Variants in RTEL1 observed in about 807,000 individuals in gnomAD.
RTEL1 encodes regulator of telomere elongation helicase 1.
Under a neutral mutation model 162.2 loss-of-function variants are expected in RTEL1, and 86 were observed. The observed-to-expected ratio is 0.53, with a 90% CI of 0.45 to 0.63. RTEL1 has a LOEUF of 0.63. Ranked by LOEUF, RTEL1 falls within the 30% of genes least tolerant of loss-of-function variation. The pLI, the probability that RTEL1 is intolerant of heterozygous loss-of-function variation, is 0.00. For synonymous variants in RTEL1, 958 were observed against 717.9 expected (o/e 1.33, Z -5.35); for missense variants, 1,941 against 1,750.2 (o/e 1.11, Z -1.95).
chr20:63,693,085 G>A, intron 29 of RTEL1, 58 bp from the exon 30 acceptor site: 8 of 1,610,792 alleles, frequency 5.0e-6, no homozygotes, highest in Non-Finnish European at 6.8e-6. Flanking sequence ...GGTCCAAGGT[G>A]GTCTCTGTTC....
At chr20:63,687,160 C>G (rs945453738) in intron 16 of RTEL1, 11 of 157,102 alleles carry the variant, frequency 7.0e-5, no homozygotes, top group Non-Finnish European at 1.5e-4. Context: ...TTCCTTTGAG[C>G]TGGCGCCCTT....
At chr20:63,673,903 CCTGTT>C (rs1310986806) in intron 9 of RTEL1, 32 bp from the exon 10 acceptor site, 5 of 1,583,514 alleles carry the variant, frequency 3.2e-6, no homozygotes, top group Non-Finnish European at 4.3e-6. Flanking sequence ...CCGATCCTGT[CCTGTT>C]CTGTGGTGAT....
chr20:63,666,200 C>G, intron 7 of RTEL1, 121 bp downstream of exon 7: 1 of 800,748 alleles, frequency 1.2e-6, no homozygotes, highest in South Asian at 1.8e-5. Flanking sequence ...ATGAAACTAA[C>G]CACCATTCAG....
intron 22 of RTEL1, 130 bp from the exon 23 acceptor site, chr20:63,689,372 T>G: frequency 8.7e-7 from 1 of 1,155,640 alleles, no homozygotes; most frequent in Non-Finnish European, 1.2e-6. Context: ...AGTGGGGTCC[T>G]GACCCACAGA....
intron 8 of RTEL1, among the ~76,000 whole-genome samples, chr20:63,669,494 A>C (rs2090204728): frequency 6.6e-6 from 1 of 152,260 alleles, no homozygotes; most frequent in Non-Finnish European, 1.5e-5. Context: ...CAGTTAAAGA[A>C]AGGGAGAAAA....
chr20:63,686,798 G>C (rs1210014423), intron 16 of RTEL1: 1 of 158,130 alleles, frequency 6.3e-6, no homozygotes, highest in Admixed American at 6.5e-5. Flanking sequence ...CCCTCACGCA[G>C]TTGGGGTTGC....
chr20:63,693,532 C>CCTT (rs1317355891), intron 30 of RTEL1, among the ~76,000 whole-genome samples: 2 of 87,140 alleles, frequency 2.3e-5, no homozygotes, highest in Non-Finnish European at 5.1e-5. Context: ...ACCACCTCCA[C>CCTT]CACCACCACC....
In RTEL1 at chr20:63,695,565, G is replaced by A; in HGVS notation, c.3737G>A (p.Gly1246Asp). The A allele has an allele frequency of 1.9e-6, 3 of 1,612,312 alleles. No homozygotes were observed. The highest frequency in any genetic ancestry group is 2.5e-6 in the Non-Finnish European group (3 of 1,179,892). ...GPLSAGCVCQ[G>D]CGAEDVVPFQ... ...CTCTCAGCAGGCTGTGTGTGCCAGG[G>A]CTGTGGGGCAGAGGACGTGGTGCCC... The change falls in exon 34 of 35, where the codon GGC (glycine) becomes GAC (aspartate). Residue 1246 changes from glycine to aspartate, a missense_variant. Transcript: ENST00000360203.
At chr20:63,669,043 G>A (rs1164958107) in intron 8 of RTEL1, among the ~76,000 whole-genome samples, 1 of 152,108 alleles carries the variant, frequency 6.6e-6, no homozygotes. Flanking sequence ...GAGTGCAGTG[G>A]CACCATCTCG....
At chr20:63,662,057 C>T (rs780226083) in intron 4 of RTEL1, 114 bp downstream of exon 4, 10 of 865,950 alleles carry the variant, frequency 1.2e-5, no homozygotes, top group Admixed American at 2.1e-5. Flanking sequence ...TCTTTCTAGA[C>T]GCTCCCCCGA....
rs776712596 is a variant in RTEL1 at position 63,694,399 on chromosome 20, C to G, written c.3020C>G (p.Thr1007Ser). The part of the protein sequence containing the change: ...TGRTAPDPKL[T>S]VSTAAAQQLD... ...AGAACGGCGCCGGATCCCAAGCTGA[C>G]CGTGTCCACGGCTGCAGCCCAGCAG... The change falls in exon 31 of 35, where the codon ACC becomes AGC. Residue 1007 changes from threonine (T) to serine (S), a missense_variant. Thr to Ser is a moderately conservative substitution (Grantham distance 58, BLOSUM62 1). Coordinates refer to ENST00000360203, the MANE Select transcript of RTEL1 (RefSeq NM_001283009.2). 38 of 1,612,162 alleles carry G rather than the reference C, an allele frequency of 2.4e-5. No homozygotes were observed. Among genetic ancestry groups the G allele is most frequent in the Non-Finnish European group, 3.1e-5 (37 of 1,179,636 alleles).
chr20:63,685,954 A>C, intron 16 of RTEL1, 82 bp downstream of exon 16: 1 of 1,364,994 alleles, frequency 7.3e-7, no homozygotes, highest in Non-Finnish European at 1.0e-6. Context: ...GCACATGCCC[A>C]GCCGTGGATC....
rs1430439680 is a variant in RTEL1 at position 63,674,043 on chromosome 20, C to CGCA, written c.874_876dup (p.Gln292dup). On this transcript the variant is annotated inframe_insertion, in exon 10 of 35. Coordinates refer to ENST00000360203, the MANE Select transcript of RTEL1 (RefSeq NM_001283009.2). ...GTGCTGGAGGAGCAGACCAAGGCAG[C>CGCA]GCAGCAGGGTGAGCCCCACCCGGAG... is the stretch of plus-strand genomic sequence containing the variant. 6.2e-7 allele frequency: 1 copy of CGCA among 1,612,538 alleles called. No homozygotes were observed. Among genetic ancestry groups the CGCA allele is most frequent in the Non-Finnish European group, 8.5e-7 (1 of 1,180,002 alleles).
At chr20:63,690,476 G>T (rs979346260) in intron 26 of RTEL1, 35 bp downstream of exon 26, 32 of 1,519,840 alleles carry the variant, frequency 2.1e-5, no homozygotes, top group Non-Finnish European at 2.6e-5. Context: ...GCGGTGTGGG[G>T]GTGGCGGAGC....
At chr20:63,658,865 A>C in intron 1 of RTEL1, 1 of 156,828 alleles carries the variant, frequency 6.4e-6, no homozygotes, top group Non-Finnish European at 1.4e-5. Flanking sequence ...CCAGCCAGCC[A>C]GGAGGGCAGA....
intron 14 of RTEL1, among the ~76,000 whole-genome samples, chr20:63,684,841 C>T (rs2090555434): frequency 6.6e-6 from 1 of 151,934 alleles, no homozygotes; most frequent in Non-Finnish European, 1.5e-5. Context: ...TGTCTACTTC[C>T]TGTAAAAATC....
In RTEL1 at chr20:63,662,569, C is replaced by T. The variant is rs1333433189; in HGVS notation, c.419C>T (p.Ser140Phe). 1 of 1,614,058 alleles carries T rather than the reference C, an allele frequency of 6.2e-7. No individual in the cohort carries two copies. The highest frequency in any genetic ancestry group is 1.1e-5 in the South Asian group (1 of 91,066). ...AGGCCTAAGGTGTGTGTGCTGGGCT[C>T]CCGGGAGCAGCTGTGCATCCATCCT... Reference protein sequence around the residue: ...SYRPKVCVLGSREQLCIHPEV... With the variant: ...SYRPKVCVLGFREQLCIHPEV... The change falls in exon 5 of 35, where the codon TCC becomes TTC. Residue 140 changes from serine to phenylalanine, a missense_variant. Transcript: ENST00000360203.
chr20:63,683,727 G>A (rs1398257666), intron 14 of RTEL1, among the ~76,000 whole-genome samples: 4 of 152,164 alleles, frequency 2.6e-5, no homozygotes, highest in African/African-American at 9.7e-5. Flanking sequence ...TGAGCCTGTT[G>A]GGGGCTTTGC....
chr20:63,664,627 G>A (rs1335399307), intron 6 of RTEL1, among the ~76,000 whole-genome samples: 8 of 152,222 alleles, frequency 5.3e-5, no homozygotes, highest in Admixed American at 2.6e-4. Context: ...CTCACTGCCC[G>A]ACCTGGCGGG....
Sources: allele counts gnomAD v4.1 joint callset (sites outside exome capture counted in the v4.1 genomes callset), GRCh38; gene constraint gnomAD v4.1.1; transcripts MANE v1.5; gene names NCBI Gene and HGNC (gene_info 2026-07-23, HGNC 2026-07-21).